Variants in SBF2 observed in about 807,000 individuals in gnomAD.
The protein encoded by SBF2 is myotubularin-related protein 13.
SBF2 carries 112 observed loss-of-function variants against 225.2 expected under a neutral mutation model. That is an observed-to-expected ratio of 0.50 (90% CI 0.43 to 0.58). SBF2 has a LOEUF of 0.58. Ranked by LOEUF, SBF2 falls within the 20% of genes least tolerant of loss-of-function variation. The pLI, the probability that SBF2 is intolerant of heterozygous loss-of-function variation, is 0.00. For missense variants in SBF2, 1,996 were observed against 2,206.2 expected (o/e 0.90, Z 1.91); for synonymous variants, 763 against 773.3 (o/e 0.99, Z 0.22).
chr11:10,070,004 G>T (rs938603247), intron 2 of SBF2, among the ~76,000 whole-genome samples: 2 of 151,106 alleles, frequency 1.3e-5, no homozygotes, highest in Admixed American at 1.3e-4. Context: ...TGTTGATGGG[G>T]TTGTTTTTTT....
chr11:9,948,257 G>A (rs1398385396), intron 16 of SBF2, among the ~76,000 whole-genome samples: 1 of 151,974 alleles, frequency 6.6e-6, no homozygotes, highest in Non-Finnish European at 1.5e-5. Context: ...CCAGGAGCTG[G>A]GGGCAGGGGG....
chr11:9,924,425 C>CTTATTTAT (rs113358504), intron 16 of SBF2, among the ~76,000 whole-genome samples: 4 of 152,000 alleles, frequency 2.6e-5, no homozygotes, highest in African/African-American at 7.2e-5. Flanking sequence ...AAAGCATTTT[C>CTTATTTAT]TTATTTATTT....
chr11:10,187,720 C>G (rs1000130715), intron 2 of SBF2, among the ~76,000 whole-genome samples: 4 of 152,042 alleles, frequency 2.6e-5, no homozygotes, highest in African/African-American at 9.7e-5. Context: ...CCCATCTACC[C>G]TACTGCCACT....
chr11:9,870,227 A>T (rs1210723070), intron 17 of SBF2, among the ~76,000 whole-genome samples: 1 of 152,236 alleles, frequency 6.6e-6, no homozygotes, highest in Non-Finnish European at 1.5e-5. Context: ...ATGGAAAAAC[A>T]TTCCATGCTC....
At chr11:9,812,435 G>A (rs1590139576) in intron 30 of SBF2, 97 bp downstream of exon 30, 1 of 1,308,088 alleles carries the variant, frequency 7.6e-7, no homozygotes, top group Admixed American at 1.8e-5. Context: ...TGGGGAGTAG[G>A]GGAACAAAGT....
At chr11:9,813,941 TAA>T (rs921510508) in intron 29 of SBF2, among the ~76,000 whole-genome samples, 3 of 147,866 alleles carry the variant, frequency 2.0e-5, no homozygotes, top group African/African-American at 7.4e-5. Context: ...GACTCCACCT[TAA>T]AAAAAAAAAT....
intron 24 of SBF2, among the ~76,000 whole-genome samples, chr11:9,844,716 G>A (rs1481344691): frequency 6.6e-6 from 1 of 152,018 alleles, no homozygotes; most frequent in African/African-American, 2.4e-5. Context: ...AAATTTTCTG[G>A]CTTTGATTAC....
intron 1 of SBF2, among the ~76,000 whole-genome samples, chr11:10,251,066 G>A (rs926441792): frequency 2.0e-5 from 3 of 152,080 alleles, no homozygotes; most frequent in Non-Finnish European, 2.9e-5. Context: ...GGTCTATTAC[G>A]TGCACTTATA....
chr11:10,096,216 T>C (rs983111388), intron 2 of SBF2, among the ~76,000 whole-genome samples: 11 of 152,264 alleles, frequency 7.2e-5, no homozygotes, highest in Admixed American at 4.6e-4. Flanking sequence ...TTTCTACATG[T>C]CAGCTAGTTT....
At chr11:9,819,379 G>A (rs1854627034) in intron 28 of SBF2, 1 of 152,160 alleles carries the variant, frequency 6.6e-6, no homozygotes, top group South Asian at 2.1e-4. Context: ...TTGAGTAAGA[G>A]AAGAATAGGC....
In SBF2 at chr11:10,003,767, C is replaced by T. The variant is rs542685497; in HGVS notation, c.620-1078G>A. Among the ~76,000 whole-genome samples, 6 of 151,888 alleles carry T rather than the reference C, an allele frequency of 4.0e-5. No homozygotes were observed. In the South Asian group the frequency reaches 1.2e-3, roughly 31 times the overall value. ...AGTATGGTATTTATAAACTCTTTTT[C>T]TATTTTTTTAGTGGCAACTCTAGAA... On this transcript the variant is annotated intron_variant, in intron 6 of 39. Coordinates refer to ENST00000256190, the MANE Select transcript of SBF2 (RefSeq NM_030962.4).
At chr11:10,109,691 C>G (rs1169529981) in intron 2 of SBF2, among the ~76,000 whole-genome samples, 1 of 152,060 alleles carries the variant, frequency 6.6e-6, no homozygotes, top group Non-Finnish European at 1.5e-5. Flanking sequence ...ATAATTTAGG[C>G]CACATAACAT....
At chr11:9,806,222 T>G (rs1248301796) in intron 32 of SBF2, among the ~76,000 whole-genome samples, 2 of 152,170 alleles carry the variant, frequency 1.3e-5, no homozygotes, top group African/African-American at 4.8e-5. Context: ...AGTGGGAGCG[T>G]GAGGGTCAGC....
intron 2 of SBF2, among the ~76,000 whole-genome samples, chr11:10,063,237 G>T (rs1365285521): frequency 1.3e-5 from 2 of 150,386 alleles, no homozygotes; most frequent in African/African-American, 4.9e-5. Context: ...TTAATAACTT[G>T]GTAATGTAAT....
At chr11:10,199,190 C>T (rs898186965) in intron 1 of SBF2, among the ~76,000 whole-genome samples, 6 of 152,068 alleles carry the variant, frequency 3.9e-5, no homozygotes, top group African/African-American at 1.4e-4. Context: ...TCAATACTGG[C>T]GTGCCTCAAG....
At chr11:9,894,676 A>T (rs569736145) in intron 17 of SBF2, among the ~76,000 whole-genome samples, 7 of 152,000 alleles carry the variant, frequency 4.6e-5, no homozygotes, top group Admixed American at 2.6e-4. Context: ...AGAGTGAAAC[A>T]CTGCCTCAAA....
At chr11:10,179,973 CA>C (rs558059315) in intron 2 of SBF2, among the ~76,000 whole-genome samples, 66 of 152,084 alleles carry the variant, frequency 4.3e-4, no homozygotes, top group African/African-American at 1.5e-3. Context: ...TAAAAGCAAG[CA>C]AAAAGAAAAA....
intron 10 of SBF2, 41 bp from the exon 11 acceptor site, chr11:9,993,144 A>G (rs952782157): frequency 2.1e-6 from 3 of 1,441,196 alleles, no homozygotes; most frequent in Non-Finnish European, 2.9e-6. Context: ...TTAACTTTTT[A>G]AAAACAAATG....
chr11:9,914,552 A>G (rs188396945), intron 16 of SBF2, among the ~76,000 whole-genome samples: 205 of 152,326 alleles, frequency 1.3e-3, no homozygotes, highest in African/African-American at 4.7e-3. Context: ...AACGGACCAG[A>G]TACCTTAGTG....
Sources: gnomAD v4.1 joint callset for allele counts (sites outside exome capture counted in the v4.1 genomes callset) on GRCh38, gnomAD v4.1.1 for gene constraint, MANE v1.5 for transcripts, NCBI Gene and HGNC (gene_info 2026-07-23, HGNC 2026-07-21) for gene names.